Variants in CAPZB observed in about 807,000 individuals in gnomAD.
CAPZB encodes the protein F-actin-capping protein subunit beta.
CAPZB carries 2 observed loss-of-function variants against 38.1 expected under a neutral mutation model. That is an observed-to-expected ratio of 0.05 (90% CI 0.02 to 0.17). CAPZB has a LOEUF of 0.17. Among genes scored for constraint, CAPZB ranks in the 10% least tolerant of loss-of-function variants. The pLI is 1.00. For synonymous variants in CAPZB, 107 were observed against 127.4 expected (o/e 0.84, Z 1.08); for missense variants, 161 against 334.2 (o/e 0.48, Z 4.04).
intron 1 of CAPZB, chr1:19,449,426 G>A: frequency 1.5e-6 from 1 of 676,732 alleles, no homozygotes; most frequent in Non-Finnish European, 1.8e-6. Context: ...CAGGTCTCAG[G>A]GTGAACCATG....
intron 2 of CAPZB, among the ~76,000 whole-genome samples, chr1:19,391,856 G>T: frequency 6.6e-6 from 1 of 152,318 alleles, no homozygotes; most frequent in African/African-American, 2.4e-5. Flanking sequence ...GCCCTGCTCT[G>T]ACAGCAAAGT....
intron 1 of CAPZB, among the ~76,000 whole-genome samples, chr1:19,445,424 C>G (rs1023349591): frequency 2.0e-5 from 3 of 151,716 alleles, no homozygotes; most frequent in African/African-American, 4.8e-5. Context: ...AAAACATGCA[C>G]TTTCCCCGCT....
chr1:19,377,851 C>T (rs2094151557), intron 4 of CAPZB, among the ~76,000 whole-genome samples: 1 of 152,202 alleles, frequency 6.6e-6, no homozygotes, highest in Non-Finnish European at 1.5e-5. Flanking sequence ...GAAGAAATCT[C>T]AACAGATCTA....
intron 6 of CAPZB, among the ~76,000 whole-genome samples, chr1:19,352,087 T>C (rs2093994849): frequency 6.6e-6 from 1 of 152,218 alleles, no homozygotes; most frequent in Non-Finnish European, 1.5e-5. Context: ...CCAGCGAGCG[T>C]GCACTCCTGG....
chr1:19,426,585 G>A (rs1375295921), intron 1 of CAPZB, among the ~76,000 whole-genome samples: 1 of 152,104 alleles, frequency 6.6e-6, no homozygotes, highest in Admixed American at 6.5e-5. Flanking sequence ...TAAACACACA[G>A]GCCTGGAGCC....
At chr1:19,364,554 C>A (rs2094072404) in intron 4 of CAPZB, among the ~76,000 whole-genome samples, 1 of 152,228 alleles carries the variant, frequency 6.6e-6, no homozygotes, top group Non-Finnish European at 1.5e-5. Context: ...CTGGCTTACA[C>A]CAAGATTTCT....
chr1:19,344,572 C>A, intron 7 of CAPZB, 138 bp from the exon 8 acceptor site: 3 of 695,348 alleles, frequency 4.3e-6, no homozygotes, highest in South Asian at 3.3e-5. Flanking sequence ...CATCAGTGAG[C>A]GCGCTCCAGG....
chr1:19,424,911 C>T (rs1325315816), intron 1 of CAPZB, among the ~76,000 whole-genome samples: 7 of 152,200 alleles, frequency 4.6e-5, no homozygotes, highest in Admixed American at 6.5e-5. Flanking sequence ...GCCCTGAATC[C>T]GGCCCAACAA....
At chr1:19,355,494 CA>C (rs11455973) in intron 6 of CAPZB, among the ~76,000 whole-genome samples, 3,441 of 102,742 alleles carry the variant, frequency 0.033, 40 homozygotes, top group African/African-American at 0.056. Flanking sequence ...GACTCCGTCT[CA>C]AAAAAAAAAA....
intron 4 of CAPZB, 88 bp downstream of exon 4, chr1:19,378,452 G>GT (rs2094154725): frequency 1.3e-6 from 1 of 785,340 alleles, no homozygotes; most frequent in Non-Finnish European, 2.3e-6. Context: ...GCTTGGCCAG[G>GT]TAACAGATTC....
intron 1 of CAPZB, among the ~76,000 whole-genome samples, chr1:19,434,232 C>T (rs1349039329): frequency 2.0e-5 from 3 of 152,144 alleles, no homozygotes; most frequent in Non-Finnish European, 2.9e-5. Context: ...AGTTCAAAGC[C>T]CATACTCGCC....
chr1:19,469,692 C>A (rs894520689), intron 1 of CAPZB, among the ~76,000 whole-genome samples: 1 of 150,924 alleles, frequency 6.6e-6, no homozygotes, highest in African/African-American at 2.4e-5. Context: ...CACTCTCCCT[C>A]CTGGGGACTT....
intron 4 of CAPZB, among the ~76,000 whole-genome samples, chr1:19,370,884 A>G (rs937608): frequency 0.67 from 101,999 of 152,080 alleles, 35,084 homozygotes; most frequent in African/African-American, 0.83. Context: ...CCCAGCTCTC[A>G]TTCCTTTGCA....
chr1:19,409,259 C>G (rs2094346837), intron 2 of CAPZB, among the ~76,000 whole-genome samples: 1 of 152,108 alleles, frequency 6.6e-6, no homozygotes, highest in South Asian at 2.1e-4. Flanking sequence ...CAGTCAATCG[C>G]TGCCCTTTAT....
intron 1 of CAPZB, among the ~76,000 whole-genome samples, chr1:19,423,307 G>T (rs1260399524): frequency 2.0e-5 from 3 of 152,056 alleles, no homozygotes; most frequent in Admixed American, 2.0e-4. Context: ...GGAGCCATTT[G>T]CTTGGGAGTC....
chr1:19,458,904 C>A (rs2094541663), intron 1 of CAPZB, among the ~76,000 whole-genome samples: 1 of 152,248 alleles, frequency 6.6e-6, no homozygotes, highest in Non-Finnish European at 1.5e-5. Context: ...AAAATGCAGG[C>A]AGGCTTCTCC....
chr1:19,339,979 TC>T (rs2093919275), intron 8 of CAPZB, among the ~76,000 whole-genome samples: 1 of 152,190 alleles, frequency 6.6e-6, no homozygotes, highest in Admixed American at 6.5e-5. Flanking sequence ...CTTCTGGGCT[TC>T]CAAACACAAT....
intron 4 of CAPZB, among the ~76,000 whole-genome samples, chr1:19,366,079 G>A (rs906666871): frequency 1.3e-5 from 2 of 151,768 alleles, no homozygotes; most frequent in Non-Finnish European, 2.9e-5. Context: ...CCTACCCTAT[G>A]TTCTCCCGTC....
intron 4 of CAPZB, among the ~76,000 whole-genome samples, chr1:19,373,703 T>TC (rs1030995520): frequency 1.3e-5 from 2 of 151,924 alleles, no homozygotes; most frequent in African/African-American, 4.8e-5. Flanking sequence ...CTTTTTTTTT[T>TC]TTCCAGAGAC....
Sources: allele counts gnomAD v4.1 joint callset (sites outside exome capture counted in the v4.1 genomes callset), GRCh38; gene constraint gnomAD v4.1.1; transcripts MANE v1.5; gene names NCBI Gene and HGNC (gene_info 2026-07-23, HGNC 2026-07-21).